Variants in PBK observed in about 807,000 individuals in gnomAD.
PBK encodes the protein PDZ binding kinase, also known as lymphokine-activated killer T-cell-originated protein kinase.
In PBK, 22 loss-of-function variants were observed where a neutral mutation model predicts 33.5. That is an observed-to-expected ratio of 0.66 (90% CI 0.47 to 0.94). The LOEUF (loss-of-function observed/expected upper bound fraction) is 0.94. Among genes scored for constraint, PBK ranks in the 40% least tolerant of loss-of-function variants. PBK has a pLI of 0.00. For missense variants in PBK, 376 were observed against 383.4 expected, an observed-to-expected ratio of 0.98 and a Z score of 0.16; for synonymous variants, 129 against 123.8, an observed-to-expected ratio of 1.04 and a Z score of -0.28.
chr8:27,825,667 T>C (rs1243579482), intron 3 of PBK, among the ~76,000 whole-genome samples: 2 of 152,190 alleles, frequency 1.3e-5, no homozygotes, highest in Middle Eastern at 3.2e-3. Context: ...AGTTTTTACA[T>C]GTGCATATAC....
chr8:27,832,829 G>A (rs1429390695), intron 2 of PBK, among the ~76,000 whole-genome samples: 1 of 152,144 alleles, frequency 6.6e-6, no homozygotes, highest in Non-Finnish European at 1.5e-5. Flanking sequence ...GTTGATTCTT[G>A]GGCAGGGAGA....
intron 2 of PBK, among the ~76,000 whole-genome samples, chr8:27,830,784 G>A (rs1310470640): frequency 6.6e-6 from 1 of 152,116 alleles, no homozygotes; most frequent in Non-Finnish European, 1.5e-5. Flanking sequence ...GGAAATTAAA[G>A]TTGTCAGAAC....
intron 5 of PBK, among the ~76,000 whole-genome samples, chr8:27,821,204 T>C (rs1393136152): frequency 1.3e-5 from 2 of 152,116 alleles, no homozygotes; most frequent in African/African-American, 4.8e-5. Flanking sequence ...AGTCTAAAAG[T>C]TTATTTAGAA....
At position 27,817,633 on chromosome 8, in the gene PBK, T is replaced by TA. The variant is rs573753397; in HGVS notation, c.595+2931dup. Among the ~76,000 whole-genome samples the TA allele has an allele frequency of 2.2e-3, 328 of 151,992 alleles. 1 individual carries two copies. The highest frequency in any genetic ancestry group is 6.8e-3 in the African/African-American group (281 of 41,490). On this transcript the variant is annotated intron_variant, in intron 6 of 7. Transcript: ENST00000301905. ...CAGGAAATAATATATCAGGTTATTA[T>TA]AAAAAAAATGCCTGTACTGCCTAAT...
intron 1 of PBK, among the ~76,000 whole-genome samples, chr8:27,834,863 TCC>T (rs1806199089): frequency 6.6e-6 from 1 of 150,686 alleles, no homozygotes; most frequent in Non-Finnish European, 1.5e-5. Flanking sequence ...GCCACTGCAC[TCC>T]AGCCTGGGCA....
At chr8:27,833,252 G>A (rs1806163871) in intron 1 of PBK, 119 bp from the exon 2 acceptor site, 2 of 533,874 alleles carry the variant, frequency 3.7e-6, no homozygotes, top group African/African-American at 4.0e-5. Flanking sequence ...AGCACTTTGG[G>A]AGGCTGAGGT....
intron 1 of PBK, among the ~76,000 whole-genome samples, chr8:27,836,802 A>G (rs906985237): frequency 1.3e-5 from 2 of 152,170 alleles, no homozygotes; most frequent in African/African-American, 2.4e-5. Flanking sequence ...ACATTTCATT[A>G]TGTTCTCTTA....
At chr8:27,812,159 TATG>T (rs1805699593) in intron 6 of PBK, 1 of 152,174 alleles carries the variant, frequency 6.6e-6, no homozygotes, top group Non-Finnish European at 1.5e-5. Flanking sequence ...CCTACTTCAG[TATG>T]ATACCTGCAG....
At position 27,811,043 on chromosome 8, in the gene PBK, G is replaced by GTC; in HGVS notation, c.685_686dup (p.Asp229GlufsTer13). The GTC allele has an allele frequency of 6.2e-7, 1 of 1,610,600 alleles. No homozygotes were observed. The highest frequency in any genetic ancestry group is 8.5e-7 in the Non-Finnish European group (1 of 1,176,824). On this transcript the variant is annotated frameshift_variant, in exon 7 of 8. Coordinates refer to ENST00000301905, the MANE Select transcript of PBK (RefSeq NM_018492.4). LOFTEE classifies it high-confidence loss of function. Reference sequence around the variant, plus strand: ...ACAAAGTAAGGCCAAAGGCAAATATGTCTGCCTTGTCAGTAATAACACCAT... The same window carrying GTC: ...ACAAAGTAAGGCCAAAGGCAAATATGTCTCTGCCTTGTCAGTAATAACACCAT...
At position 27,811,143 on chromosome 8, in the gene PBK, A is replaced by G; in HGVS notation, c.596-9T>C. 1 of 1,613,598 alleles carries G rather than the reference A, an allele frequency of 6.2e-7. No individual in the cohort carries two copies. Among genetic ancestry groups the G allele is most frequent in the Non-Finnish European group, 8.5e-7 (1 of 1,179,668 alleles). Reference sequence around the variant, plus strand: ...AGCCTCAGGGTCAGTCACTGAAACAAGCAAGATGGTTATGAAGGCAGGAGC... The same window carrying G: ...AGCCTCAGGGTCAGTCACTGAAACAGGCAAGATGGTTATGAAGGCAGGAGC... On this transcript the variant is annotated splice_polypyrimidine_tract_variant and intron_variant, in intron 6 of 7. Coordinates refer to ENST00000301905, the MANE Select transcript of PBK (RefSeq NM_018492.4).
chr8:27,813,520 T>C (rs1272284640), intron 6 of PBK, among the ~76,000 whole-genome samples: 1 of 152,144 alleles, frequency 6.6e-6, no homozygotes, highest in Non-Finnish European at 1.5e-5. Flanking sequence ...ATTAACAAAT[T>C]ATATATGTTT....
chr8:27,833,281 C>T (rs1023750551), intron 1 of PBK, 148 bp from the exon 2 acceptor site: 10 of 367,784 alleles, frequency 2.7e-5, no homozygotes, highest in South Asian at 8.2e-5. Context: ...CACCTGAGGT[C>T]GGTGGATCAC....
At chr8:27,831,709 T>C (rs1806134459) in intron 2 of PBK, among the ~76,000 whole-genome samples, 1 of 152,078 alleles carries the variant, frequency 6.6e-6, no homozygotes, top group Admixed American at 6.5e-5. Flanking sequence ...AAAAGGACAC[T>C]AGAAGGTTAA....
chr8:27,831,448 T>C (rs577595824), intron 2 of PBK, among the ~76,000 whole-genome samples: 1 of 136,178 alleles, frequency 7.3e-6, no homozygotes, highest in South Asian at 2.5e-4. Flanking sequence ...AAATTGGGGG[T>C]GGGGGGAAGC....
intron 1 of PBK, among the ~76,000 whole-genome samples, chr8:27,834,820 T>G (rs1390223474): frequency 1.8e-4 from 27 of 151,434 alleles, no homozygotes; most frequent in Admixed American, 1.7e-3. Flanking sequence ...CGCTTGAACC[T>G]GGGAGGCGGA....
At chr8:27,819,914 T>C (rs149964398) in intron 6 of PBK, among the ~76,000 whole-genome samples, 1 of 152,328 alleles carries the variant, frequency 6.6e-6, no homozygotes, top group East Asian at 1.9e-4. Flanking sequence ...CAACTCAACT[T>C]GTAAACTTTT....
intron 6 of PBK, 163 bp from the exon 7 acceptor site, chr8:27,811,297 C>A (rs1391453234): frequency 3.1e-6 from 2 of 635,116 alleles, no homozygotes; most frequent in Admixed American, 5.4e-5. Flanking sequence ...TTACTTTCTA[C>A]CTTTCAGGTT....
At chr8:27,818,640 ACT>A (rs1390194771) in intron 6 of PBK, among the ~76,000 whole-genome samples, 3 of 151,478 alleles carry the variant, frequency 2.0e-5, no homozygotes, top group Non-Finnish European at 2.9e-5. Context: ...ATTACTAATA[ACT>A]CTTAATGCAT....
chr8:27,811,851 T>C (rs1412603966), intron 6 of PBK: 1 of 152,262 alleles, frequency 6.6e-6, no homozygotes, highest in Non-Finnish European at 1.5e-5. Context: ...ACAGAGGTTT[T>C]AGACTTTTTT....
Sources: gnomAD v4.1 joint callset for allele counts (sites outside exome capture counted in the v4.1 genomes callset) on GRCh38, gnomAD v4.1.1 for gene constraint, MANE v1.5 for transcripts, NCBI Gene and HGNC (gene_info 2026-07-23, HGNC 2026-07-21) for gene names.